The following ARID1B variants were observed in gnomAD, a reference collection of about 807,000 sequenced individuals.
ARID1B encodes the protein AT-rich interactive domain-containing protein 1B.
A neutral mutation model predicts 212.3 loss-of-function variants in ARID1B; 30 were observed. The observed-to-expected ratio is 0.14, with a 90% CI of 0.11 to 0.19. The LOEUF (loss-of-function observed/expected upper bound fraction) is 0.19. Ranked by LOEUF, ARID1B falls within the 10% of genes least tolerant of loss-of-function variation. The pLI, the probability that ARID1B is intolerant of heterozygous loss-of-function variation, is 1.00. For synonymous variants in ARID1B, 1,402 were observed against 1,301.7 expected (o/e 1.08, Z -1.66); for missense variants, 2,891 against 3,204.0 (o/e 0.90, Z 2.36).
chr6:156,901,249 G>A (rs1377141668), intron 2 of ARID1B, 127 bp from the exon 3 acceptor site: 2 of 1,060,002 alleles, frequency 1.9e-6, no homozygotes, highest in East Asian at 2.6e-5. Context: ...AGGAAGAGAG[G>A]ATTAGAAATA....
At position 157,207,990 on chromosome 6, in the gene ARID1B, G is replaced by C. The variant is rs1036516620; in HGVS notation, c.*99G>C. The stretch of plus-strand genomic sequence containing the variant: ...TTATCCAGCGTAGGAAGAAGGAAAA[G>C]AAAATCTTTGCTCCTCTGCCCCATT... On this transcript the variant is annotated 3_prime_UTR_variant, in exon 20 of 20. Transcript: ENST00000636930. The surrounding 1 kb of genome is among the most constrained non-coding windows in gnomAD (Gnocchi z 8.5). 3.1e-6 allele frequency: 4 copies of C among 1,294,060 alleles called. No individual in the cohort carries two copies. Among genetic ancestry groups the C allele is most frequent in the Admixed American group, 5.4e-5 (2 of 37,254 alleles). 80.2% of individuals were successfully genotyped at this position (1,294,060 alleles called of 1,614,324 possible). A position where few individuals can be genotyped will look rare whatever the true frequency, so the allele number is the denominator to read the frequency against.
chr6:157,068,820 C>T (rs564126486), intron 4 of ARID1B, among the ~76,000 whole-genome samples: 6 of 152,290 alleles, frequency 3.9e-5, no homozygotes, highest in Non-Finnish European at 7.3e-5. Flanking sequence ...TCAATATCTG[C>T]GCTGATGTTG....
chr6:157,079,698 G>T (rs1000950382), intron 4 of ARID1B, among the ~76,000 whole-genome samples: 1 of 152,092 alleles, frequency 6.6e-6, no homozygotes, highest in Admixed American at 6.5e-5. Flanking sequence ...GCATGTGCTG[G>T]ATTACTTTCT....
chr6:157,025,949 G>T (rs1780632330), intron 4 of ARID1B, among the ~76,000 whole-genome samples: 1 of 151,478 alleles, frequency 6.6e-6, no homozygotes. Flanking sequence ...TTTTGAGGTG[G>T]AGTCTCGCCC....
intron 4 of ARID1B, among the ~76,000 whole-genome samples, chr6:156,989,847 G>A (rs1162297859): frequency 1.3e-5 from 2 of 152,212 alleles, no homozygotes; most frequent in African/African-American, 4.8e-5. Flanking sequence ...CCTCCCGGGT[G>A]ATGGGAGTCT....
At chr6:157,058,777 A>G (rs184533951) in intron 4 of ARID1B, among the ~76,000 whole-genome samples, 95 of 152,246 alleles carry the variant, frequency 6.2e-4, no homozygotes, top group African/African-American at 8.9e-4. Context: ...ATCATTTGCA[A>G]TGCAGTTGGA....
intron 4 of ARID1B, among the ~76,000 whole-genome samples, chr6:156,992,142 G>A (rs1158317164): frequency 2.6e-5 from 4 of 152,170 alleles, no homozygotes; most frequent in African/African-American, 4.8e-5. Context: ...ACTGTACAGG[G>A]TAGTATGTCA....
chr6:157,145,311 C>T (rs1164815180), intron 7 of ARID1B, among the ~76,000 whole-genome samples: 4 of 152,188 alleles, frequency 2.6e-5, no homozygotes, highest in African/African-American at 9.7e-5. Flanking sequence ...TTTACTGGAA[C>T]ATCACCACTC....
intron 4 of ARID1B, among the ~76,000 whole-genome samples, chr6:157,041,578 G>GA (rs1298440226): frequency 6.6e-6 from 1 of 152,124 alleles, no homozygotes; most frequent in East Asian, 1.9e-4. Context: ...TCCAGAATTA[G>GA]AAAAAAGCAC....
rs147835417 is a variant in ARID1B, at chr6:157,138,200, TTTGGTTGGTTGG to T, written c.2761+5024_2761+5035del. The stretch of plus-strand genomic sequence containing the variant: ...CTCTTCTAAGTTCAGAACCTCCATC[TTTGGTTGGTTGG>T]TTGGTTGGTTGGTTGGTTGGTTGGT... On this transcript the variant is annotated intron_variant, in intron 7 of 19. Coordinates refer to ENST00000636930, the MANE Select transcript of ARID1B (RefSeq NM_001374828.1). 9.6e-4 allele frequency among the ~76,000 whole-genome samples: 143 copies of T among 149,086 alleles called. No homozygotes were observed. In the East Asian group the frequency reaches 0.01, roughly 10 times the overall value.
intron 4 of ARID1B, among the ~76,000 whole-genome samples, chr6:156,962,972 G>C (rs1794498064): frequency 6.6e-6 from 1 of 151,834 alleles, no homozygotes; most frequent in South Asian, 2.1e-4. Context: ...TAGTAGAGAC[G>C]GGGTTTCACC....
At chr6:156,838,839 T>C (rs910942722) in intron 2 of ARID1B, among the ~76,000 whole-genome samples, 6 of 152,286 alleles carry the variant, frequency 3.9e-5, no homozygotes, top group Admixed American at 3.3e-4. Flanking sequence ...AGAATAATTA[T>C]TGGCCTATGG....
intron 5 of ARID1B, among the ~76,000 whole-genome samples, chr6:157,103,379 G>C (rs372692707): frequency 6.6e-6 from 1 of 152,158 alleles, no homozygotes; most frequent in African/African-American, 2.4e-5. Context: ...TTGAGACAAT[G>C]AACGGAATTA....
intron 4 of ARID1B, among the ~76,000 whole-genome samples, chr6:157,035,393 C>T (rs1175523498): frequency 1.3e-5 from 2 of 152,286 alleles, no homozygotes; most frequent in East Asian, 3.9e-4. Context: ...CGCGTTTTTC[C>T]TTTAAAGTCT....
chr6:157,017,520 C>G (rs916867463), intron 4 of ARID1B, among the ~76,000 whole-genome samples: 1 of 152,082 alleles, frequency 6.6e-6, no homozygotes, highest in African/African-American at 2.4e-5. Context: ...CTACCTTGTT[C>G]CCAAAGGGAT....
chr6:156,794,197 A>T (rs1433121557), intron 1 of ARID1B, among the ~76,000 whole-genome samples: 1 of 152,252 alleles, frequency 6.6e-6, no homozygotes, highest in East Asian at 1.9e-4. Context: ...ACATTTAAAA[A>T]AAAAGACTTC....
upstream of ARID1B, among the ~76,000 whole-genome samples, chr6:156,776,069 GT>G (rs561932773): frequency 4.6e-5 from 7 of 151,720 alleles, no homozygotes; most frequent in South Asian, 1.5e-3. Flanking sequence ...AACTAAAATA[GT>G]TTTTATGGAA....
intron 2 of ARID1B, among the ~76,000 whole-genome samples, chr6:156,869,130 C>T (rs1039622459): frequency 6.6e-6 from 1 of 152,064 alleles, no homozygotes; most frequent in Non-Finnish European, 1.5e-5. Flanking sequence ...ATTGTATGTG[C>T]ATTGTCTGTA....
intron 2 of ARID1B, among the ~76,000 whole-genome samples, chr6:156,835,287 C>A (rs1233330662): frequency 2.0e-5 from 3 of 151,006 alleles, no homozygotes; most frequent in Non-Finnish European, 4.4e-5. Flanking sequence ...TTGTAAATTC[C>A]TATAATACCT....
Sources: gnomAD v4.1 joint callset for allele counts (sites outside exome capture counted in the v4.1 genomes callset) on GRCh38, gnomAD v4.1.1 for gene constraint, Gnocchi (gnomAD v3.1) non-coding constraint, MANE v1.5 for transcripts, NCBI Gene and HGNC (gene_info 2026-07-23, HGNC 2026-07-21) for gene names.